Variants in CARD8 observed in about 807,000 individuals in gnomAD.
CARD8 encodes the protein caspase recruitment domain family member 8.
In CARD8, 38 loss-of-function variants were observed where a neutral mutation model predicts 53.2. The ratio of observed to expected loss-of-function variants is 0.71; its 90% CI spans 0.55 to 0.94. CARD8 has a LOEUF of 0.94. Among genes scored for constraint, CARD8 ranks in the 40% least tolerant of loss-of-function variants. The pLI is 0.00. For missense variants in CARD8, 561 were observed against 655.5 expected, an observed-to-expected ratio of 0.86 and a Z score of 1.57; for synonymous variants, 245 against 244.9, an observed-to-expected ratio of 1.00 and a Z score of 0.00.
rs1362519465 is a variant in CARD8, at chr19:48,230,536, T to C, written c.937A>G (p.Ile313Val). Residue 313 changes from isoleucine to valine, a missense_variant, in exon 10 of 14, where the codon ATC becomes GTC. Physicochemically the swap from Ile to Val is conservative, Grantham distance 29 (BLOSUM62 3). Coordinates refer to ENST00000651546, the MANE Select transcript of CARD8 (RefSeq NM_001184900.3). Reference protein sequence around the residue: ...LRIASGTRLSIPITSNTLIYY... With the variant: ...LRIASGTRLSVPITSNTLIYY... ...ATCAATGTGTTGGAAGTGATGGGGA[T>C]GGAGAGGCGAGTCCCACTGGCGATC... 1 of 1,614,086 alleles carries C rather than the reference T, an allele frequency of 6.2e-7. No individual in the cohort carries two copies. Among genetic ancestry groups the C allele is most frequent in the East Asian group, 2.2e-5 (1 of 44,872 alleles).
Position 48,232,600 on chromosome 19 carries a change from G to A in CARD8, c.351-107C>T, listed in dbSNP as rs974500396. ...AACTAGAGCTGCACTGTCCCGTAGA[G>A]TAGCCGCTACCCGGATATGCTATTT... On this transcript the variant is annotated intron_variant, in intron 6 of 13. Coordinates refer to ENST00000651546, the MANE Select transcript of CARD8 (RefSeq NM_001184900.3). The A allele has an allele frequency of 3.3e-6, 3 of 922,662 alleles. No individual in the cohort carries two copies. The Admixed American group carries it at 6.0e-5, about 18-fold the overall frequency. The allele number at this position is 922,662 out of a possible 1,614,324, so 57.2% of individuals were successfully genotyped here.
chr19:48,219,735 C>G (rs2040103006), intron 11 of CARD8, among the ~76,000 whole-genome samples: 1 of 152,094 alleles, frequency 6.6e-6, no homozygotes. Context: ...CTTTGGGAGA[C>G]TGAGGTGACC....
At chr19:48,205,964 T>C (rs978346705), downstream of CARD8, among the ~76,000 whole-genome samples, 1 of 151,914 alleles carries the variant, frequency 6.6e-6, no homozygotes, top group Non-Finnish European at 1.5e-5. Flanking sequence ...GTGGTGCAAT[T>C]TTGGCTCACT....
At chr19:48,221,702 T>C in intron 11 of CARD8, 28 bp downstream of exon 11, 1 of 1,489,318 alleles carries the variant, frequency 6.7e-7, no homozygotes, top group Non-Finnish European at 9.1e-7. Flanking sequence ...CTCTGAAACC[T>C]GCTGAGTTGG....
chr19:48,205,443 T>G (rs370299960), downstream of CARD8, among the ~76,000 whole-genome samples: 10 of 152,170 alleles, frequency 6.6e-5, no homozygotes, highest in African/African-American at 2.4e-4. Context: ...TTGGCCAGGC[T>G]GGTCTTGAAC....
chr19:48,239,384 T>C (rs575842161), intron 4 of CARD8, among the ~76,000 whole-genome samples: 1 of 151,944 alleles, frequency 6.6e-6, no homozygotes, highest in Non-Finnish European at 1.5e-5. Context: ...AGCGCAAGAG[T>C]TGGAAACACT....
rs139160093 is a variant in CARD8 at position 48,230,500 on chromosome 19, G to A, written c.973C>T (p.Pro325Ser). ...TGGAACTTAATATCTTCGGGGTGGG[G>A]GTGATAATAGATCAATGTGTTGGAA... ...ITSNTLIYYH[P>S]HPEDIKFHLY... Residue 325 changes from proline to serine, a missense_variant, in exon 10 of 14, where the codon CCC (proline) becomes TCC (serine). Coordinates refer to ENST00000651546, the MANE Select transcript of CARD8 (RefSeq NM_001184900.3). 6.2e-7 allele frequency: 1 copy of A among 1,614,106 alleles called. No individual in the cohort carries two copies. The highest frequency in any genetic ancestry group is 1.7e-5 in the Admixed American group (1 of 60,014).
At chr19:48,207,011 T>C (rs2037373929), downstream of CARD8, among the ~76,000 whole-genome samples, 1 of 151,774 alleles carries the variant, frequency 6.6e-6, no homozygotes, top group Non-Finnish European at 1.5e-5. Context: ...CTACTAAAAA[T>C]ACAAAAATTA....
Position 48,249,642 on chromosome 19 carries a change from A to G in CARD8, c.-154-9T>C, listed in dbSNP as rs994993760. On this transcript the variant is annotated splice_polypyrimidine_tract_variant and intron_variant, in intron 2 of 13. Transcript: ENST00000651546. ...CAGACAGCCCTCCTTCTCTATGAAC[A>G]TTATTTCAAAAGAAGTTGAGAACTA... 3 of 152,326 alleles carry G rather than the reference A, an allele frequency of 2.0e-5. No individual in the cohort carries two copies. The highest frequency in any genetic ancestry group is 4.4e-5 in the Non-Finnish European group (3 of 68,048). The allele number at this position is 152,326 out of a possible 1,614,324, so 9.4% of individuals were successfully genotyped here. A position where few individuals can be genotyped will look rare whatever the true frequency, so the allele number is the denominator to read the frequency against.
intron 11 of CARD8, 151 bp from the exon 12 acceptor site, chr19:48,219,163 T>C (rs1568681350): frequency 3.0e-6 from 2 of 656,772 alleles, no homozygotes; most frequent in South Asian, 4.0e-5. Flanking sequence ...AACAGCTCTT[T>C]ACATTTACAA....
chr19:48,232,703 A>G (rs539785788), intron 6 of CARD8: 37 of 678,686 alleles, frequency 5.5e-5, no homozygotes, highest in South Asian at 1.7e-4. Context: ...CAACAGCTAC[A>G]TATCACTCAC....
At chr19:48,218,716 G>T (rs1329411074) in intron 12 of CARD8, among the ~76,000 whole-genome samples, 155 bp downstream of exon 12, 1 of 151,982 alleles carries the variant, frequency 6.6e-6, no homozygotes, top group African/African-American at 2.4e-5. Flanking sequence ...AGTGTGTGTT[G>T]TTCCCCTCCC....
intron 3 of CARD8, among the ~76,000 whole-genome samples, chr19:48,241,947 G>A (rs925889289): frequency 1.3e-5 from 2 of 152,168 alleles, no homozygotes; most frequent in African/African-American, 2.4e-5. Flanking sequence ...TTAGGACAGC[G>A]TCATCACCTC....
intron 3 of CARD8, among the ~76,000 whole-genome samples, chr19:48,243,048 T>TA (rs1283509274): frequency 1.4e-4 from 21 of 152,198 alleles, no homozygotes; most frequent in African/African-American, 5.1e-4. Flanking sequence ...ACAGAAAAGA[T>TA]AATTAGTGAA....
intron 12 of CARD8, among the ~76,000 whole-genome samples, chr19:48,217,837 C>T (rs895216645): frequency 1.3e-5 from 2 of 152,136 alleles, no homozygotes; most frequent in Admixed American, 6.5e-5. Context: ...AGTTTCTAAA[C>T]TTTAAAAAAT....
chr19:48,255,466 T>C (rs531377365), intron 1 of CARD8, among the ~76,000 whole-genome samples: 7 of 152,220 alleles, frequency 4.6e-5, no homozygotes, highest in Non-Finnish European at 7.3e-5. Context: ...TGTAAAATTA[T>C]TAGTATTAAC....
chr19:48,224,898 C>A (rs1211810506), intron 10 of CARD8, among the ~76,000 whole-genome samples: 1 of 151,848 alleles, frequency 6.6e-6, no homozygotes, highest in Non-Finnish European at 1.5e-5. Context: ...GGACTACAGG[C>A]ACCTGCCACC....
intron 10 of CARD8, among the ~76,000 whole-genome samples, chr19:48,227,228 GT>G (rs1177275460): frequency 1.3e-5 from 2 of 152,168 alleles, no homozygotes; most frequent in Non-Finnish European, 2.9e-5. Context: ...AAGGGAGAAA[GT>G]TGAGTCAATA....
At chr19:48,238,981 G>T (rs1040715963) in intron 4 of CARD8, among the ~76,000 whole-genome samples, 1 of 152,152 alleles carries the variant, frequency 6.6e-6, no homozygotes, top group Non-Finnish European at 1.5e-5. Flanking sequence ...TGTTCATCAC[G>T]GTCTGTCACA....
Sources: allele counts gnomAD v4.1 joint callset (sites outside exome capture counted in the v4.1 genomes callset), GRCh38; gene constraint gnomAD v4.1.1; transcripts MANE v1.5; gene names NCBI Gene and HGNC (gene_info 2026-07-23, HGNC 2026-07-21).